DOCK1: variants seen among roughly 807,000 people sequenced by gnomAD.
DOCK1 encodes the protein dedicator of cytokinesis protein 1.
Under a neutral mutation model 262.7 loss-of-function variants are expected in DOCK1, and 138 were observed. That is an observed-to-expected ratio of 0.53 (90% CI 0.46 to 0.61). The LOEUF is 0.61. Ranked by LOEUF, DOCK1 falls within the 20% of genes least tolerant of loss-of-function variation. DOCK1 has a pLI of 0.00. For missense variants in DOCK1, 1,908 were observed against 2,370.7 expected (o/e 0.80, Z 4.05); for synonymous variants, 866 against 867.4 (o/e 1.00, Z 0.03).
intron 29 of DOCK1, among the ~76,000 whole-genome samples, chr10:127,264,765 A>G (rs1241925127): frequency 2.6e-5 from 4 of 152,104 alleles, no homozygotes; most frequent in Admixed American, 1.3e-4. Flanking sequence ...GGTTCAAGCA[A>G]TCCTCCCAGC....
chr10:126,944,840 A>G (rs1203494598), intron 1 of DOCK1, among the ~76,000 whole-genome samples: 1 of 151,922 alleles, frequency 6.6e-6, no homozygotes, highest in Non-Finnish European at 1.5e-5. Context: ...GGAGCTGAAA[A>G]CAATGTTTTT....
At chr10:127,111,980 A>C (rs1293464935) in intron 25 of DOCK1, among the ~76,000 whole-genome samples, 2 of 152,100 alleles carry the variant, frequency 1.3e-5, no homozygotes, top group East Asian at 3.8e-4. Flanking sequence ...AGTTTCTTTG[A>C]ATAAGGATGT....
chr10:127,413,106 CTG>C (rs1469859799), intron 43 of DOCK1, among the ~76,000 whole-genome samples: 1 of 152,216 alleles, frequency 6.6e-6, no homozygotes, highest in African/African-American at 2.4e-5. Flanking sequence ...AGTCCCTCAA[CTG>C]TGGGATTTAT....
At chr10:127,418,715 G>A (rs188075828) in intron 45 of DOCK1, among the ~76,000 whole-genome samples, 174 bp downstream of exon 45, 445 of 152,332 alleles carry the variant, frequency 2.9e-3, no homozygotes, top group African/African-American at 9.3e-3. Flanking sequence ...CCTGCAGCAA[G>A]GTCAAGGCCG....
Position 127,267,317 on chromosome 10 carries a change from T to C in DOCK1, c.3044+9888T>C, listed in dbSNP as rs150742290. 3.3e-3 allele frequency among the ~76,000 whole-genome samples: 510 copies of C among 152,352 alleles called. 2 individuals carry two copies. Among genetic ancestry groups the C allele is most frequent in the African/African-American group, 0.012 (485 of 41,582 alleles). The stretch of plus-strand genomic sequence containing the variant: ...CCTAGTCATAAATTATTTCAGATAC[T>C]TTCCATAACAGTTATTCTATTTCAT... On this transcript the variant is annotated intron_variant, in intron 29 of 51. Coordinates refer to ENST00000623213, the MANE Select transcript of DOCK1 (RefSeq NM_001290223.2).
At chr10:127,086,789 T>G (rs1257586585) in intron 23 of DOCK1, among the ~76,000 whole-genome samples, 1 of 152,192 alleles carries the variant, frequency 6.6e-6, no homozygotes, top group Non-Finnish European at 1.5e-5. Context: ...AAAAAGTTAG[T>G]GTAAAATAGT....
intron 27 of DOCK1, among the ~76,000 whole-genome samples, chr10:127,162,994 C>T (rs559603481): frequency 5.9e-5 from 9 of 152,262 alleles, no homozygotes; most frequent in East Asian, 1.9e-4. Flanking sequence ...TGTTCTAACC[C>T]GCATGCAAAC....
chr10:126,966,963 G>A lies in DOCK1; in HGVS notation c.47-3739G>A, dbSNP rs1008965061. Among the ~76,000 whole-genome samples, 20 of 152,164 alleles carry A rather than the reference G, an allele frequency of 1.3e-4. 1 individual carries two copies. Among genetic ancestry groups the A allele is most frequent in the Non-Finnish European group, 5.9e-5 (4 of 68,034 alleles). On this transcript the variant is annotated intron_variant, in intron 1 of 51. Transcript: ENST00000623213. ...GTGGACCTGAAGATGCTCATTGGCA[G>A]CCAGGCCATTATAAAATGAAGATGG...
At position 127,145,660 on chromosome 10, in the gene DOCK1, A is replaced by G. The variant is rs12269298; in HGVS notation, c.2847+17896A>G. ...TTTGAAGATGGGAGTGCGTCTGTCT[A>G]GAGACATGGGTGACGTCCCGGGCTC... is the stretch of plus-strand genomic sequence containing the variant. On this transcript the variant is annotated intron_variant, in intron 27 of 51. Coordinates refer to ENST00000623213, the MANE Select transcript of DOCK1 (RefSeq NM_001290223.2). Among the ~76,000 whole-genome samples, 999 of 152,210 alleles carry G rather than the reference A, an allele frequency of 6.6e-3. 4 individuals carry two copies. The highest frequency in any genetic ancestry group is 0.012 in the Admixed American group (177 of 15,302).
intron 22 of DOCK1, among the ~76,000 whole-genome samples, chr10:127,058,309 C>T (rs1157762070): frequency 1.3e-5 from 2 of 151,886 alleles, no homozygotes; most frequent in African/African-American, 2.4e-5. Flanking sequence ...TGGTCTATTC[C>T]TTAATCAATA....
intron 27 of DOCK1, among the ~76,000 whole-genome samples, chr10:127,162,992 C>T (rs1489609367): frequency 6.6e-6 from 1 of 152,202 alleles, no homozygotes; most frequent in African/African-American, 2.4e-5. Context: ...ACTGTTCTAA[C>T]CCGCATGCAA....
At chr10:127,404,296 C>G in intron 39 of DOCK1, 29 bp from the exon 40 acceptor site, 1 of 1,591,624 alleles carries the variant, frequency 6.3e-7, no homozygotes, top group Non-Finnish European at 8.6e-7. Context: ...ATACTCAAAC[C>G]TGAAATGCAT....
chr10:127,033,050 T>A (rs2135541448), intron 18 of DOCK1, among the ~76,000 whole-genome samples: 1 of 152,340 alleles, frequency 6.6e-6, no homozygotes, highest in Admixed American at 6.5e-5. Flanking sequence ...GGGTCTTATC[T>A]TCCTTGTCTG....
chr10:126,966,216 T>G (rs2037666815), intron 1 of DOCK1, among the ~76,000 whole-genome samples: 1 of 152,250 alleles, frequency 6.6e-6, no homozygotes, highest in African/African-American at 2.4e-5. Flanking sequence ...ATGGCTGAAT[T>G]GTATTCCATT....
chr10:126,996,647 A>T, intron 6 of DOCK1, 101 bp from the exon 7 acceptor site: 1 of 1,214,872 alleles, frequency 8.2e-7, no homozygotes, highest in Non-Finnish European at 1.1e-6. Flanking sequence ...CCGAGTTTCT[A>T]GGTTGTTTTT....
intron 27 of DOCK1, among the ~76,000 whole-genome samples, chr10:127,238,405 C>T (rs994417473): frequency 6.6e-6 from 1 of 152,144 alleles, no homozygotes; most frequent in African/African-American, 2.4e-5. Context: ...CCTTTTACCT[C>T]GAGGTTTCAG....
chr10:127,049,454 G>A (rs2044566726), intron 21 of DOCK1, among the ~76,000 whole-genome samples: 1 of 152,134 alleles, frequency 6.6e-6, no homozygotes, highest in Admixed American at 6.5e-5. Flanking sequence ...TTGGGAGGGA[G>A]AGGTTGCAGT....
intron 6 of DOCK1, among the ~76,000 whole-genome samples, chr10:126,994,105 G>C (rs996920594): frequency 1.3e-5 from 2 of 152,112 alleles, no homozygotes; most frequent in Non-Finnish European, 2.9e-5. Flanking sequence ...CGGGTAAGAG[G>C]CACCTATGGT....
chr10:127,388,382 C>G (rs1054741266), intron 38 of DOCK1, among the ~76,000 whole-genome samples: 1 of 152,172 alleles, frequency 6.6e-6, no homozygotes, highest in Non-Finnish European at 1.5e-5. Flanking sequence ...CTCCTTATCC[C>G]TCTAAAACTA....
Sources: gnomAD v4.1 joint callset for allele counts (sites outside exome capture counted in the v4.1 genomes callset) on GRCh38, gnomAD v4.1.1 for gene constraint, MANE v1.5 for transcripts, NCBI Gene and HGNC (gene_info 2026-07-23, HGNC 2026-07-21) for gene names.